TRIM65: variants seen among roughly 807,000 people sequenced by gnomAD.
TRIM65 encodes E3 ubiquitin-protein ligase TRIM65.
A neutral mutation model predicts 36.1 loss-of-function variants in TRIM65; 46 were observed. The observed-to-expected ratio is 1.27, with a 90% CI of 1.01 to 1.63. The LOEUF (loss-of-function observed/expected upper bound fraction) is 1.63, where lower values mean the gene tolerates loss of function less well. Ranked by LOEUF, TRIM65 falls within the 40% of genes most tolerant of loss-of-function variation. TRIM65 has a pLI of 0.00. For synonymous variants in TRIM65, 346 were observed against 313.6 expected (o/e 1.10, Z -1.09); for missense variants, 708 against 696.6 (o/e 1.02, Z -0.18).
Position 75,890,567 on chromosome 17 carries a change from C to A in TRIM65, c.*212G>T, listed in dbSNP as rs150733213. The A allele has an allele frequency of 1.2e-5, 6 of 486,984 alleles. No homozygotes were observed. The Admixed American group carries it at 2.3e-4, about 19-fold the overall frequency. The allele number at this position is 486,984 out of a possible 1,614,324, so 30.2% of individuals were successfully genotyped here. ...AACTGGGTTCTCTCTGGGGCAAGGG[C>A]ATCCCATTTATCCCCCTCCTAGACT... On this transcript the variant is annotated 3_prime_UTR_variant, in exon 6 of 6. Transcript: ENST00000269383.
rs1353382058 is a variant in TRIM65, at chr17:75,896,590, C to G, written c.348G>C (p.Val116=). 2 of 1,299,914 alleles carry G rather than the reference C, an allele frequency of 1.5e-6. No individual in the cohort carries two copies. Among genetic ancestry groups the G allele is most frequent in the East Asian group, 3.1e-5 (1 of 31,938 alleles). 80.5% of individuals were successfully genotyped at this position (1,299,914 alleles called of 1,614,324 possible). The change falls in exon 1 of 6, where the codon GTG becomes GTC. Residue 116 remains valine (V), a synonymous_variant. Coordinates refer to ENST00000269383, the MANE Select transcript of TRIM65 (RefSeq NM_173547.4). ...GGAGGCGACACTCGCGCACGGTGCA[C>G]ACGCTGCACACACAGCGGCCCTCGG... ...CRTEGRCVCS[V]CTVRECRLHE...
downstream of TRIM65, among the ~76,000 whole-genome samples, chr17:75,884,299 A>G (rs1330080157): frequency 6.6e-6 from 1 of 151,796 alleles, no homozygotes; most frequent in Non-Finnish European, 1.5e-5. Flanking sequence ...CTGTACTAAA[A>G]ATACAAAAAA....
At position 75,890,497 on chromosome 17, in the gene TRIM65, TC is replaced by T; in HGVS notation, c.*281del. On this transcript the variant is annotated 3_prime_UTR_variant, in exon 6 of 6. Coordinates refer to ENST00000269383, the MANE Select transcript of TRIM65 (RefSeq NM_173547.4). ...ACACGCTGTCCTGTAAGCCCAGAAG[TC>T]CCCTGGGCACTGCTCTCGCCTCCCA... 1 of 317,868 alleles carries T rather than the reference TC, an allele frequency of 3.1e-6. No individual in the cohort carries two copies. Among genetic ancestry groups the T allele is most frequent in the East Asian group, 5.5e-5 (1 of 18,192 alleles). The allele number at this position is 317,868 out of a possible 1,614,324, so 19.7% of individuals were successfully genotyped here.
intron 4 of TRIM65, among the ~76,000 whole-genome samples, chr17:75,881,376 G>A (rs2143992254): frequency 6.6e-6 from 1 of 150,514 alleles, no homozygotes; most frequent in East Asian, 1.9e-4. Context: ...GAACACCAGA[G>A]ACTGGGTGGC....
At chr17:75,886,173 C>T (rs373780833), downstream of TRIM65, among the ~76,000 whole-genome samples, 9 of 152,168 alleles carry the variant, frequency 5.9e-5, no homozygotes, top group East Asian at 1.5e-3. Context: ...GCTCCTCCTT[C>T]GCTTTCTACC....
chr17:75,893,896 CCTCCAACTCAAACTTCCGTGCCTAG>C (rs2065308400), intron 1 of TRIM65, among the ~76,000 whole-genome samples: 1 of 152,146 alleles, frequency 6.6e-6, no homozygotes, highest in African/African-American at 2.4e-5. Context: ...CATCTACCGG[CCTCCAACTCAAACTTCCGTGCCTAG>C]CTCAGTCTTC....
At chr17:75,883,621 G>A (rs559251163) in intron 4 of TRIM65, among the ~76,000 whole-genome samples, 35 of 131,500 alleles carry the variant, frequency 2.7e-4, no homozygotes, top group Admixed American at 1.2e-3. Flanking sequence ...TCCACCTCCC[G>A]GGTTCATCCC....
At chr17:75,894,568 C>T (rs1039969872) in intron 1 of TRIM65, among the ~76,000 whole-genome samples, 12 of 152,362 alleles carry the variant, frequency 7.9e-5, no homozygotes, top group South Asian at 2.1e-4. Flanking sequence ...TCCCAGCTCT[C>T]GACTTCCAGC....
intron 4 of TRIM65, among the ~76,000 whole-genome samples, chr17:75,882,886 G>T (rs879455899): frequency 1.3e-5 from 2 of 149,792 alleles, no homozygotes; most frequent in Non-Finnish European, 2.9e-5. Flanking sequence ...GGTGGTTCAC[G>T]CCTATAATCC....
intron 4 of TRIM65, among the ~76,000 whole-genome samples, chr17:75,883,833 G>A (rs1045661283): frequency 6.6e-6 from 1 of 150,972 alleles, no homozygotes; most frequent in Non-Finnish European, 1.5e-5. Flanking sequence ...GGCTTTTTAT[G>A]TATTTTTAAA....
chr17:75,887,189 A>G (rs1358852667), downstream of TRIM65, among the ~76,000 whole-genome samples: 4 of 151,198 alleles, frequency 2.6e-5, no homozygotes, highest in Non-Finnish European at 5.9e-5. Flanking sequence ...AGAAAAAGCA[A>G]AAAGAAAAAA....
exon 5 of TRIM65, chr17:75,880,485 T>G (rs1334387772): frequency 1.3e-5 from 2 of 150,382 alleles, no homozygotes; most frequent in African/African-American, 2.5e-5. Context: ...GGACACCAGT[T>G]GTTGGATTAG....
chr17:75,887,553 A>G (rs1198664353), downstream of TRIM65, among the ~76,000 whole-genome samples: 1 of 151,184 alleles, frequency 6.6e-6, no homozygotes, highest in African/African-American at 2.4e-5. Context: ...GGGCTGAGAC[A>G]GGAGAATGGC....
Position 75,896,654 on chromosome 17 carries a change from C to T in TRIM65, c.284G>A (p.Cys95Tyr), listed in dbSNP as rs141171580. Residue 95 changes from cysteine to tyrosine, a missense_variant, in exon 1 of 6, where the codon TGC (cysteine) becomes TAC (tyrosine). Coordinates refer to ENST00000269383, the MANE Select transcript of TRIM65 (RefSeq NM_173547.4). ...CTCCAGCGGCCGCCCGTGGCGGGGG[C>T]AGCGCGCGGCAGGGTCGGGGCCGGG... The part of the protein sequence containing the change: ...PGPGPDPAAR[C>Y]PRHGRPLELF... The T allele has an allele frequency of 2.4e-6, 3 of 1,241,580 alleles. No homozygotes were observed. The highest frequency in any genetic ancestry group is 6.5e-5 in the East Asian group (2 of 30,930). The allele number at this position is 1,241,580 out of a possible 1,614,324, so 76.9% of individuals were successfully genotyped here. A position where few individuals can be genotyped will look rare whatever the true frequency, so the allele number is the denominator to read the frequency against.
At chr17:75,883,127 T>G (rs924332244) in intron 4 of TRIM65, among the ~76,000 whole-genome samples, 1 of 149,452 alleles carries the variant, frequency 6.7e-6, no homozygotes, top group Non-Finnish European at 1.5e-5. Context: ...ATGCTTTTTT[T>G]TTTTTTTTTA....
In TRIM65 at chr17:75,890,687, A is replaced by G; in HGVS notation, c.*92T>C. The G allele has an allele frequency of 8.8e-7, 1 of 1,137,148 alleles. No individual in the cohort carries two copies. The highest frequency in any genetic ancestry group is 1.2e-6 in the Non-Finnish European group (1 of 835,192). The allele number at this position is 1,137,148 out of a possible 1,614,324, so 70.4% of individuals were successfully genotyped here. On this transcript the variant is annotated 3_prime_UTR_variant, in exon 6 of 6. Coordinates refer to ENST00000269383, the MANE Select transcript of TRIM65 (RefSeq NM_173547.4). The stretch of plus-strand genomic sequence containing the variant: ...TTTCTGAGTTAACAGAGAGGCCAAC[A>G]GCTGGTCCTCCAGTCCCCAAGCTGA...
Position 75,883,051 on chromosome 17 carries a change from T to C in TRIM65, c.350-2422A>G, listed in dbSNP as rs2065178895. 2.7e-5 allele frequency among the ~76,000 whole-genome samples: 4 copies of C among 149,140 alleles called. No homozygotes were observed. The South Asian group carries it at 8.3e-4, about 31-fold the overall frequency. ...TTGAAAAGCTATTTCTAGCTTTTCTTCTGTCTCTGAAAATTATTGAAAGGG... is the reference window on the plus strand; with the variant it reads ...TTGAAAAGCTATTTCTAGCTTTTCTCCTGTCTCTGAAAATTATTGAAAGGG... On this transcript the variant is annotated intron_variant, in intron 4 of 4. Transcript: ENST00000591668.
At chr17:75,885,551 T>A (rs1230493200), downstream of TRIM65, among the ~76,000 whole-genome samples, 2 of 152,246 alleles carry the variant, frequency 1.3e-5, no homozygotes, top group African/African-American at 4.8e-5. Flanking sequence ...AGCCAGCTTG[T>A]TTGTGCTCAT....
At chr17:75,894,825 G>A (rs1321553774) in intron 1 of TRIM65, among the ~76,000 whole-genome samples, 3 of 152,226 alleles carry the variant, frequency 2.0e-5, no homozygotes, top group Non-Finnish European at 2.9e-5. Context: ...CACTGCACCC[G>A]GTGGTGGCCA....
Sources: allele counts gnomAD v4.1 joint callset (sites outside exome capture counted in the v4.1 genomes callset), GRCh38; gene constraint gnomAD v4.1.1; transcripts MANE v1.5; gene names NCBI Gene and HGNC (gene_info 2026-07-23, HGNC 2026-07-21).